SLIT3: variants seen among roughly 807,000 people sequenced by gnomAD.
SLIT3 encodes slit homolog 3 protein.
Under a neutral mutation model 184.0 loss-of-function variants are expected in SLIT3, and 68 were observed. The observed-to-expected ratio is 0.37, with a 90% CI of 0.30 to 0.45. The LOEUF (loss-of-function observed/expected upper bound fraction) is 0.45, where lower values mean the gene tolerates loss of function less well. Ranked by LOEUF, SLIT3 falls within the 20% of genes least tolerant of loss-of-function variation. The pLI is 1.00. For missense variants in SLIT3, 1,707 were observed against 2,026.0 expected, an observed-to-expected ratio of 0.84 and a Z score of 3.02; for synonymous variants, 831 against 828.6, an observed-to-expected ratio of 1.00 and a Z score of -0.05.
chr5:168,735,646 A>C (rs373184338), intron 20 of SLIT3, among the ~76,000 whole-genome samples: 20 of 143,998 alleles, frequency 1.4e-4, no homozygotes, highest in African/African-American at 5.0e-4. Context: ...ATACACATAC[A>C]TATAGACAGA....
chr5:169,112,617 G>T (rs1434995357), intron 4 of SLIT3, among the ~76,000 whole-genome samples: 1 of 148,642 alleles, frequency 6.7e-6, no homozygotes, highest in Non-Finnish European at 1.5e-5. Flanking sequence ...CTTTCTAGCG[G>T]ACCTCAAAGT....
intron 20 of SLIT3, among the ~76,000 whole-genome samples, chr5:168,724,742 T>TCC (rs58337477): frequency 2.6e-5 from 4 of 152,224 alleles, no homozygotes; most frequent in African/African-American, 9.6e-5. Context: ...CACCGTTGGA[T>TCC]CCCCCCGTGG....
chr5:169,062,776 G>T (rs1025586625), intron 4 of SLIT3, among the ~76,000 whole-genome samples: 1 of 152,148 alleles, frequency 6.6e-6, no homozygotes, highest in African/African-American at 2.4e-5. Context: ...TCAGAGTTGG[G>T]TCCAGTAAGT....
intron 29 of SLIT3, among the ~76,000 whole-genome samples, chr5:168,689,403 G>A (rs1761843057): frequency 6.6e-6 from 1 of 152,162 alleles, no homozygotes; most frequent in African/African-American, 2.4e-5. Context: ...GCTGTCCTTG[G>A]TTCCAGGACA....
intron 19 of SLIT3, 42 bp downstream of exon 19, chr5:168,749,430 C>T: frequency 6.2e-7 from 1 of 1,611,028 alleles, no homozygotes; most frequent in East Asian, 2.2e-5. Context: ...TCCTTGCCTT[C>T]CCAGGGCCTT....
intron 4 of SLIT3, among the ~76,000 whole-genome samples, chr5:168,903,538 C>T (rs1330287725): frequency 3.9e-5 from 6 of 152,174 alleles, no homozygotes; most frequent in Non-Finnish European, 7.3e-5. Context: ...CCCTGACTTG[C>T]CTGCTCTTTG....
intron 26 of SLIT3, among the ~76,000 whole-genome samples, chr5:168,701,871 G>C (rs916556548): frequency 2.0e-5 from 3 of 152,206 alleles, no homozygotes; most frequent in African/African-American, 7.2e-5. Context: ...CTCTTCTGCT[G>C]TTGCTGGTGA....
rs1267457264 is a variant in SLIT3 at position 169,247,225 on chromosome 5, A to G, written c.270-2449T>C. ...AGCAAGACTCTGTCTCAAAAAAAAA[A>G]AAAAAAATGTTTTTCCCTTCTCGTC... On this transcript the variant is annotated intron_variant, in intron 2 of 35. Coordinates refer to ENST00000519560, the MANE Select transcript of SLIT3 (RefSeq NM_003062.4). Among the ~76,000 whole-genome samples, 5 of 130,832 alleles carry G rather than the reference A, an allele frequency of 3.8e-5. No homozygotes were observed. The South Asian group carries it at 6.9e-4, about 18-fold the overall frequency. The allele number at this position is 130,832 out of a possible 152,430, so 85.8% of individuals were successfully genotyped here.
At chr5:169,091,103 G>A (rs1487396209) in intron 4 of SLIT3, among the ~76,000 whole-genome samples, 5 of 152,286 alleles carry the variant, frequency 3.3e-5, no homozygotes, top group African/African-American at 1.2e-4. Flanking sequence ...ACATTGTGAC[G>A]GGTATATAAT....
At chr5:169,244,819 T>C in intron 2 of SLIT3, 43 bp from the exon 3 acceptor site, 1 of 1,544,892 alleles carries the variant, frequency 6.5e-7, no homozygotes, top group Non-Finnish European at 8.9e-7. Context: ...AAAGCTGGGC[T>C]CAGGGACCCT....
intron 4 of SLIT3, among the ~76,000 whole-genome samples, chr5:169,093,751 T>C (rs1460369408): frequency 2.6e-5 from 4 of 152,186 alleles, no homozygotes; most frequent in Non-Finnish European, 5.9e-5. Flanking sequence ...CTCCATTCAT[T>C]CCTCACTCTC....
At chr5:168,940,220 G>T (rs1762287965) in intron 4 of SLIT3, among the ~76,000 whole-genome samples, 1 of 152,184 alleles carries the variant, frequency 6.6e-6, no homozygotes, top group African/African-American at 2.4e-5. Context: ...TCTTGAAAAA[G>T]TATGATAGCA....
intron 4 of SLIT3, among the ~76,000 whole-genome samples, chr5:168,922,555 C>T (rs1400539745): frequency 6.6e-6 from 1 of 151,272 alleles, no homozygotes; most frequent in African/African-American, 2.4e-5. Context: ...AACAGGCTGA[C>T]CAAGATTAAG....
intron 4 of SLIT3, among the ~76,000 whole-genome samples, chr5:169,058,227 C>T (rs1300947189): frequency 1.3e-5 from 2 of 152,260 alleles, no homozygotes; most frequent in Non-Finnish European, 2.9e-5. Flanking sequence ...GTGTTAATGC[C>T]ATGCGGCAAA....
chr5:168,989,762 C>T (rs1265447724), intron 4 of SLIT3, among the ~76,000 whole-genome samples: 1 of 152,168 alleles, frequency 6.6e-6, no homozygotes, highest in Non-Finnish European at 1.5e-5. Context: ...AGAAAATCAG[C>T]TCAGAGATCT....
At position 169,137,335 on chromosome 5, in the gene SLIT3, C is replaced by CACAGAGAGAG. The variant is rs368371904; in HGVS notation, c.413+56143_413+56144insCTCTCTCTGT. Among the ~76,000 whole-genome samples, 973 of 138,628 alleles carry CACAGAGAGAG rather than the reference C, an allele frequency of 7.0e-3. 17 individuals are homozygous for CACAGAGAGAG. In the East Asian group the frequency reaches 0.079, roughly 11 times the overall value. The allele number at this position is 138,628 out of a possible 152,430, so 90.9% of individuals were successfully genotyped here. On this transcript the variant is annotated intron_variant, in intron 4 of 35. Transcript: ENST00000519560. ...ACACACACACACACACACACACACA[C>CACAGAGAGAG]AGAGAGAGAGAGAGAGAGAGAAACA...
chr5:169,221,603 C>T (rs1285388994), intron 3 of SLIT3, among the ~76,000 whole-genome samples: 1 of 152,188 alleles, frequency 6.6e-6, no homozygotes, highest in Non-Finnish European at 1.5e-5. Flanking sequence ...TTCACTGCTT[C>T]TGTTGCAAGG....
chr5:168,821,198 C>T (rs1191869096), intron 7 of SLIT3, among the ~76,000 whole-genome samples: 1 of 152,224 alleles, frequency 6.6e-6, no homozygotes, highest in Non-Finnish European at 1.5e-5. Context: ...CTTCCCCCGC[C>T]CTACTGCAGC....
At chr5:169,160,451 G>A (rs1325446457) in intron 4 of SLIT3, among the ~76,000 whole-genome samples, 1 of 152,208 alleles carries the variant, frequency 6.6e-6, no homozygotes, top group Non-Finnish European at 1.5e-5. Context: ...TAGCCTGGGT[G>A]AAAGGCTTCC....
Sources: gnomAD v4.1 joint callset for allele counts (sites outside exome capture counted in the v4.1 genomes callset) on GRCh38, gnomAD v4.1.1 for gene constraint, MANE v1.5 for transcripts, NCBI Gene and HGNC (gene_info 2026-07-23, HGNC 2026-07-21) for gene names.